Variants in JAM3 observed in about 807,000 individuals in gnomAD.
The protein encoded by JAM3 is junctional adhesion molecule 3.
In JAM3, 31 loss-of-function variants were observed where a neutral mutation model predicts 39.4. That is an observed-to-expected ratio of 0.79 (90% confidence interval 0.59 to 1.06). JAM3 has a LOEUF of 1.06. Ranked by LOEUF, JAM3 falls within the 50% of genes least tolerant of loss-of-function variation. The probability of loss-of-function intolerance (pLI) is 0.00; values close to 1 mark genes in which losing one functional copy is unlikely to be tolerated. For missense variants in JAM3, 455 were observed against 391.4 expected, an observed-to-expected ratio of 1.16 and a Z score of -1.37; for synonymous variants, 182 against 148.7, an observed-to-expected ratio of 1.22 and a Z score of -1.63.
chr11:134,082,527 G>C (rs1472932393), intron 1 of JAM3, among the ~76,000 whole-genome samples: 1 of 152,160 alleles, frequency 6.6e-6, no homozygotes, highest in Non-Finnish European at 1.5e-5. Flanking sequence ...CTGTTCTCAT[G>C]ATAGTGAATC....
At chr11:134,142,241 G>A (rs1337982086) in intron 3 of JAM3, among the ~76,000 whole-genome samples, 3 of 152,156 alleles carry the variant, frequency 2.0e-5, no homozygotes, top group Admixed American at 2.0e-4. Flanking sequence ...GAATGCCGGG[G>A]TTCGGGGAGG....
chr11:134,072,276 A>G (rs1378120107), intron 1 of JAM3, among the ~76,000 whole-genome samples: 2 of 151,858 alleles, frequency 1.3e-5, no homozygotes, highest in Admixed American at 6.6e-5. Flanking sequence ...GTTAGGATGT[A>G]TGGAGTCTGC....
Position 134,069,135 on chromosome 11 carries a change from T to G in JAM3, c.52T>G (p.Phe18Val). ...CCGGCTCTGCGCTCGGCTGCCTGACTTCTTCCTGCTGCTGCTTTTCAGGGG... is the reference window on the plus strand; with the variant it reads ...CCGGCTCTGCGCTCGGCTGCCTGACGTCTTCCTGCTGCTGCTTTTCAGGGG... ...RLRLCARLPD[F>V]FLLLLFRGCL... The change falls in exon 1 of 9, where the codon TTC becomes GTC. Residue 18 changes from phenylalanine (F) to valine (V), a missense_variant. Physicochemically the swap from Phe to Val is conservative, Grantham distance 50. Coordinates refer to ENST00000299106, the MANE Select transcript of JAM3 (RefSeq NM_032801.5). The G allele has an allele frequency of 6.2e-7, 1 of 1,612,962 alleles. No homozygotes were observed. Among genetic ancestry groups the G allele is most frequent in the Non-Finnish European group, 8.5e-7 (1 of 1,179,432 alleles).
intron 1 of JAM3, among the ~76,000 whole-genome samples, chr11:134,133,892 T>A (rs940709704): frequency 2.0e-5 from 3 of 152,150 alleles, no homozygotes; most frequent in Non-Finnish European, 4.4e-5. Flanking sequence ...AAAAACAGTT[T>A]GAGGAAATGG....
In JAM3 at chr11:134,149,609, C is replaced by T. The variant is rs758277774; in HGVS notation, c.*428C>T. 6.5e-6 allele frequency: 3 copies of T among 464,922 alleles called. No homozygotes were observed. Among genetic ancestry groups the T allele is most frequent in the Non-Finnish European group, 1.3e-5 (3 of 233,022 alleles). 28.8% of individuals were successfully genotyped at this position (464,922 alleles called of 1,614,324 possible). ...TGGCTGGACAGCACCAGCAGCGCAT[C>T]CCGGCGGGAACCCAGAAAAGGCTTC... On this transcript the variant is annotated 3_prime_UTR_variant, in exon 9 of 9. Transcript: ENST00000299106.
At chr11:134,096,965 A>C (rs958610906) in intron 1 of JAM3, among the ~76,000 whole-genome samples, 2 of 152,118 alleles carry the variant, frequency 1.3e-5, no homozygotes, top group Admixed American at 6.5e-5. Context: ...AACATGTGGC[A>C]CTTTGTAGAA....
At chr11:134,145,219 C>G (rs936475457) in intron 5 of JAM3, 10 of 589,132 alleles carry the variant, frequency 1.7e-5, no homozygotes, top group Non-Finnish European at 2.7e-5. Context: ...AGATTGAGAC[C>G]GAAGAGGGAT....
At chr11:134,144,604 G>A (rs1943036140) in intron 4 of JAM3, among the ~76,000 whole-genome samples, 188 bp from the exon 5 acceptor site, 1 of 152,160 alleles carries the variant, frequency 6.6e-6, no homozygotes, top group Non-Finnish European at 1.5e-5. Flanking sequence ...GCTAGAGGAG[G>A]CGCTTTAACA....
chr11:134,081,614 T>C (rs1006045007), intron 1 of JAM3, among the ~76,000 whole-genome samples: 2 of 152,136 alleles, frequency 1.3e-5, no homozygotes, highest in African/African-American at 4.8e-5. Flanking sequence ...TTTCAGAGGA[T>C]GTATGAAAAT....
At chr11:134,134,398 CAAAA>C (rs34729848) in intron 1 of JAM3, among the ~76,000 whole-genome samples, 43 of 31,926 alleles carry the variant, frequency 1.3e-3, no homozygotes, top group African/African-American at 4.8e-3. Flanking sequence ...GGATAAATGC[CAAAA>C]AAAAAAAAAA....
chr11:134,111,858 C>T (rs192724734), intron 1 of JAM3, among the ~76,000 whole-genome samples: 41 of 152,172 alleles, frequency 2.7e-4, no homozygotes, highest in Non-Finnish European at 4.4e-4. Context: ...TAATAAGATA[C>T]CTACACATCA....
intron 3 of JAM3, among the ~76,000 whole-genome samples, chr11:134,141,455 GA>G (rs1464259831): frequency 3.4e-5 from 5 of 147,420 alleles, no homozygotes; most frequent in African/African-American, 1.1e-4. Flanking sequence ...AGAGGGAGGA[GA>G]GGGGGGAGAG....
chr11:134,123,481 A>G (rs1462882232), intron 1 of JAM3, among the ~76,000 whole-genome samples: 1 of 152,190 alleles, frequency 6.6e-6, no homozygotes, highest in Non-Finnish European at 1.5e-5. Context: ...TGCACAGGCT[A>G]ATGTTCTGCT....
Position 134,124,196 on chromosome 11 carries a change from T to G in JAM3, c.77-15655T>G, listed in dbSNP as rs185636227. On this transcript the variant is annotated intron_variant, in intron 1 of 8. Coordinates refer to ENST00000299106, the MANE Select transcript of JAM3 (RefSeq NM_032801.5). ...CTTTATCATACGTAGCATCACAAACTCGAACCAAAGTCATCACTCCATACT... is the reference window on the plus strand; with the variant it reads ...CTTTATCATACGTAGCATCACAAACGCGAACCAAAGTCATCACTCCATACT... The G allele has an allele frequency of 3.5e-6, 5 of 1,443,600 alleles. No homozygotes were observed. In the Admixed American group the frequency reaches 5.0e-5, roughly 15 times the overall value. The allele number at this position is 1,443,600 out of a possible 1,614,324, so 89.4% of individuals were successfully genotyped here.
chr11:134,142,500 T>C (rs1261785003), intron 3 of JAM3, among the ~76,000 whole-genome samples: 1 of 152,198 alleles, frequency 6.6e-6, no homozygotes, highest in Admixed American at 6.5e-5. Flanking sequence ...AGTTGTCAGG[T>C]TTAGCGATGA....
intron 1 of JAM3, among the ~76,000 whole-genome samples, chr11:134,137,516 C>CA (rs1221216140): frequency 6.6e-6 from 1 of 152,260 alleles, no homozygotes; most frequent in Non-Finnish European, 1.5e-5. Context: ...TCTCATGACT[C>CA]ACCTCTCAGG....
intron 1 of JAM3, among the ~76,000 whole-genome samples, chr11:134,113,595 A>T (rs1003039366): frequency 5.9e-5 from 9 of 152,192 alleles, no homozygotes; most frequent in Non-Finnish European, 1.3e-4. Flanking sequence ...TCTATCATTA[A>T]TGGACATTTG....
rs977643638 is a variant in JAM3 at position 134,151,509 on chromosome 11, G to T, written c.*2328G>T. ...TCTACACTAGTGCCATGGGAACCAG[G>T]TCTGAAAAAGTAGAGAGAAGTGAAA... On this transcript the variant is annotated 3_prime_UTR_variant, in exon 9 of 9. Transcript: ENST00000299106. 6.6e-6 allele frequency: 1 copy of T among 152,192 alleles called. No homozygotes were observed. Among genetic ancestry groups the T allele is most frequent in the African/African-American group, 2.4e-5 (1 of 41,442 alleles). 9.4% of individuals were successfully genotyped at this position (152,192 alleles called of 1,614,324 possible). A position where few individuals can be genotyped will look rare whatever the true frequency, so the allele number is the denominator to read the frequency against.
At chr11:134,117,777 G>T (rs1053219305) in intron 1 of JAM3, among the ~76,000 whole-genome samples, 14 of 152,136 alleles carry the variant, frequency 9.2e-5, no homozygotes, top group Admixed American at 9.2e-4. Flanking sequence ...ATATTTTCAA[G>T]TTCGGTTCCT....
Sources: gnomAD v4.1 joint callset for allele counts (sites outside exome capture counted in the v4.1 genomes callset) on GRCh38, gnomAD v4.1.1 for gene constraint, MANE v1.5 for transcripts, NCBI Gene and HGNC (gene_info 2026-07-23, HGNC 2026-07-21) for gene names.